GALK2: variants seen among roughly 807,000 people sequenced by gnomAD.
The protein encoded by GALK2 is galactokinase 2.
A neutral mutation model predicts 52.4 loss-of-function variants in GALK2; 36 were observed. The observed-to-expected ratio is 0.69, with a 90% CI of 0.53 to 0.91. The LOEUF (loss-of-function observed/expected upper bound fraction) is 0.91. Among genes scored for constraint, GALK2 ranks in the 40% least tolerant of loss-of-function variants. The probability of loss-of-function intolerance (pLI) is 0.00; values close to 1 mark genes in which losing one functional copy is unlikely to be tolerated. For synonymous variants in GALK2, 176 were observed against 199.1 expected (o/e 0.88, Z 0.98); for missense variants, 579 against 559.1 (o/e 1.04, Z -0.36).
At position 49,367,558 on chromosome 15, in the gene GALK2, A is replaced by G. The variant is rs771777388; in HGVS notation, c.*22A>G. On this transcript the variant is annotated 3_prime_UTR_variant, in exon 4 of 4. Transcript: ENST00000558399. ...ATAAAATCAATGGACTCTGACCTCCAAAATTGAAGAGAACACGATTAAACT... is the reference window on the plus strand; with the variant it reads ...ATAAAATCAATGGACTCTGACCTCCGAAATTGAAGAGAACACGATTAAACT... 6 of 1,604,440 alleles carry G rather than the reference A, an allele frequency of 3.7e-6. No homozygotes were observed. The South Asian group carries it at 6.8e-5, about 18-fold the overall frequency.
intron 3 of GALK2, among the ~76,000 whole-genome samples, chr15:49,232,989 C>T (rs1566962228): frequency 6.6e-6 from 1 of 152,212 alleles, no homozygotes; most frequent in African/African-American, 2.4e-5. Context: ...CTACCTGTTA[C>T]CCAGTTCCAA....
intron 8 of GALK2, chr15:49,318,193 GT>G: frequency 6.6e-6 from 1 of 152,114 alleles, no homozygotes; most frequent in African/African-American, 2.4e-5. Context: ...GGTGAAAATG[GT>G]AAGGAAGTCT....
intron 3 of GALK2, among the ~76,000 whole-genome samples, chr15:49,234,298 G>A (rs1351917494): frequency 6.6e-6 from 1 of 152,130 alleles, no homozygotes; most frequent in Admixed American, 6.5e-5. Context: ...TTCCATGGAT[G>A]TATGCTTAGT....
chr15:49,177,778 G>A (rs1367624690), intron 1 of GALK2: 36 of 620,322 alleles, frequency 5.8e-5, no homozygotes, highest in Non-Finnish European at 3.8e-5. Flanking sequence ...CTGGGTGGCA[G>A]GATTTTTTCT....
intron 3 of GALK2, chr15:49,366,580 A>G: frequency 1.9e-6 from 3 of 1,599,426 alleles, no homozygotes; most frequent in Non-Finnish European, 2.6e-6. Context: ...TGGATGTGCC[A>G]TTTCCAGACG....
intron 9 of GALK2, among the ~76,000 whole-genome samples, chr15:49,324,524 C>G (rs561624586): frequency 2.0e-4 from 31 of 152,158 alleles, no homozygotes; most frequent in South Asian, 1.2e-3. Flanking sequence ...TCTTCAATGG[C>G]CTTTAAGTGG....
intron 1 of GALK2, among the ~76,000 whole-genome samples, chr15:49,183,945 G>A (rs1016727051): frequency 6.6e-6 from 1 of 151,874 alleles, no homozygotes; most frequent in East Asian, 1.9e-4. Flanking sequence ...TTCTGCCACC[G>A]TTGGATGAAA....
chr15:49,282,554 T>G (rs547950485), intron 6 of GALK2, among the ~76,000 whole-genome samples: 1 of 152,278 alleles, frequency 6.6e-6, no homozygotes, highest in East Asian at 1.9e-4. Context: ...CCTGTCAACA[T>G]TTTTGGGGCT....
At chr15:49,207,434 CT>C (rs2088391759) in intron 2 of GALK2, among the ~76,000 whole-genome samples, 1 of 152,090 alleles carries the variant, frequency 6.6e-6, no homozygotes, top group South Asian at 2.1e-4. Context: ...GGTTTCAATT[CT>C]TCTTTGAATG....
chr15:49,160,509 G>T (rs2084615805), intron 1 of GALK2, among the ~76,000 whole-genome samples: 2 of 152,004 alleles, frequency 1.3e-5, no homozygotes, highest in Non-Finnish European at 2.9e-5. Flanking sequence ...TACCTGGGAT[G>T]ACTATACATC....
chr15:49,181,167 G>A (rs2141221040), intron 1 of GALK2, among the ~76,000 whole-genome samples: 1 of 143,762 alleles, frequency 7.0e-6, no homozygotes, highest in East Asian at 2.1e-4. Context: ...ATGAAGTGCA[G>A]TGGCACAATT....
chr15:49,285,924 C>T (rs1405314130), intron 7 of GALK2, among the ~76,000 whole-genome samples: 1 of 152,160 alleles, frequency 6.6e-6, no homozygotes, highest in Non-Finnish European at 1.5e-5. Flanking sequence ...GAGACCTGTG[C>T]ACCTCATCCT....
At chr15:49,224,010 G>T (rs2089984065) in intron 3 of GALK2, among the ~76,000 whole-genome samples, 1 of 152,084 alleles carries the variant, frequency 6.6e-6, no homozygotes, top group African/African-American at 2.4e-5. Flanking sequence ...CTCCCACCAA[G>T]AGTGTATAAG....
chr15:49,328,267 G>A lies in GALK2; in HGVS notation c.*108G>A. On this transcript the variant is annotated 3_prime_UTR_variant, in exon 10 of 10. Coordinates refer to ENST00000560031, the MANE Select transcript of GALK2 (RefSeq NM_002044.4). Reference sequence around the variant, plus strand: ...CTTCTGTTTTGTATTATGATGAACGGTTGCTATTATATCAAGATATATTTT... The same window carrying A: ...CTTCTGTTTTGTATTATGATGAACGATTGCTATTATATCAAGATATATTTT... 2 of 1,454,756 alleles carry A rather than the reference G, an allele frequency of 1.4e-6. No homozygotes were observed. Among genetic ancestry groups the A allele is most frequent in the Non-Finnish European group, 1.8e-6 (2 of 1,103,606 alleles). 90.1% of individuals were successfully genotyped at this position (1,454,756 alleles called of 1,614,324 possible).
chr15:49,291,685 A>ACTC (rs1595985489), intron 7 of GALK2, among the ~76,000 whole-genome samples: 2 of 152,178 alleles, frequency 1.3e-5, no homozygotes, highest in Admixed American at 1.3e-4. Context: ...GCACTGTCAG[A>ACTC]TTGAGGAGGT....
chr15:49,332,335 GCAAGGTAGAGACA>G (rs1351193304), downstream of GALK2, among the ~76,000 whole-genome samples: 1 of 152,216 alleles, frequency 6.6e-6, no homozygotes, highest in East Asian at 1.9e-4. Flanking sequence ...AAAGAGACTG[GCAAGGTAGAGACA>G]CAGGAAAGAA....
intron 2 of GALK2, among the ~76,000 whole-genome samples, chr15:49,203,198 G>A (rs935111627): frequency 2.6e-5 from 4 of 151,822 alleles, no homozygotes; most frequent in Non-Finnish European, 4.4e-5. Flanking sequence ...CTACAGGCAC[G>A]TGCCACCATG....
At chr15:49,165,488 G>A (rs530740848), upstream of GALK2, among the ~76,000 whole-genome samples, 51 of 152,258 alleles carry the variant, frequency 3.3e-4, no homozygotes, top group African/African-American at 1.2e-3. Flanking sequence ...GAGTAAAACA[G>A]TCTTTGCCTT....
intron 5 of GALK2, among the ~76,000 whole-genome samples, chr15:49,267,208 G>A (rs758755718): frequency 7.9e-5 from 12 of 152,192 alleles, no homozygotes; most frequent in Non-Finnish European, 1.5e-4. Context: ...CAAGGAGCAG[G>A]GTAGGAGCCA....
Sources: allele counts gnomAD v4.1 joint callset (sites outside exome capture counted in the v4.1 genomes callset), GRCh38; gene constraint gnomAD v4.1.1; transcripts MANE v1.5; gene names NCBI Gene and HGNC (gene_info 2026-07-23, HGNC 2026-07-21).